Variants in TTC23L observed in about 807,000 individuals in gnomAD.
The protein encoded by TTC23L is tetratricopeptide repeat protein 23-like.
A neutral mutation model predicts 48.1 loss-of-function variants in TTC23L; 42 were observed. The observed-to-expected ratio is 0.87, with a 90% CI of 0.68 to 1.13. The LOEUF is 1.13. TTC23L is among the 50% of genes most tolerant of loss of function. The probability of loss-of-function intolerance (pLI) is 0.00; values close to 1 mark genes in which losing one functional copy is unlikely to be tolerated. For synonymous variants in TTC23L, 159 were observed against 157.2 expected, an observed-to-expected ratio of 1.01 and a Z score of -0.09; for missense variants, 391 against 421.0, an observed-to-expected ratio of 0.93 and a Z score of 0.62.
downstream of TTC23L, among the ~76,000 whole-genome samples, chr5:34,901,224 C>CA (rs200877282): frequency 4.2e-3 from 567 of 134,786 alleles, 6 homozygotes; most frequent in African/African-American, 9.5e-3. Flanking sequence ...CAAAAAACTC[C>CA]AAAAAAAAAA....
chr5:34,878,699 T>C (rs1348197048), intron 8 of TTC23L, among the ~76,000 whole-genome samples: 1 of 152,126 alleles, frequency 6.6e-6, no homozygotes, highest in Non-Finnish European at 1.5e-5. Context: ...AAAACAGATG[T>C]TGGTGAGGGT....
intron 8 of TTC23L, among the ~76,000 whole-genome samples, chr5:34,879,852 C>T (rs557471844): frequency 2.0e-5 from 3 of 152,066 alleles, no homozygotes; most frequent in South Asian, 2.1e-4. Context: ...AAAAATTAGC[C>T]GGGCATGGTG....
chr5:34,920,788 T>A, the TTC23L span: 4 of 152,142 alleles, frequency 2.6e-5, no homozygotes, highest in Admixed American at 6.5e-5. Flanking sequence ...ACAAACTTCC[T>A]ATTTTTGTGT....
chr5:34,904,520 G>A, the TTC23L span, among the ~76,000 whole-genome samples: 3 of 151,646 alleles, frequency 2.0e-5, no homozygotes, highest in African/African-American at 7.3e-5. Flanking sequence ...CTTGAACCTG[G>A]GAGGTGGAGG....
chr5:34,891,176 C>T (rs905857585), intron 9 of TTC23L, among the ~76,000 whole-genome samples: 2 of 152,078 alleles, frequency 1.3e-5, no homozygotes, highest in African/African-American at 4.8e-5. Context: ...GATAATATGT[C>T]AGAATGTTAA....
chr5:34,892,538 A>G (rs115067067), intron 9 of TTC23L, among the ~76,000 whole-genome samples: 3,132 of 152,290 alleles, frequency 0.021, 44 homozygotes, highest in Non-Finnish European at 0.029. Flanking sequence ...CTTACGTGAA[A>G]ACAGACATGT....
chr5:34,841,946 C>G (rs1372063070), intron 2 of TTC23L, among the ~76,000 whole-genome samples: 4 of 152,148 alleles, frequency 2.6e-5, no homozygotes, highest in Non-Finnish European at 5.9e-5. Context: ...GCATCCCTGG[C>G]CACCATCCAC....
chr5:34,923,749 A>G, the TTC23L span, among the ~76,000 whole-genome samples: 1 of 152,220 alleles, frequency 6.6e-6, no homozygotes, highest in African/African-American at 2.4e-5. Context: ...CAGGGTTTGC[A>G]TACACAAAAA....
At chr5:34,911,792 T>C in the TTC23L span, 1 of 1,614,134 alleles carries the variant, frequency 6.2e-7, no homozygotes. Flanking sequence ...TGGTAACACA[T>C]TCGAAGTGCA....
At chr5:34,889,170 C>T (rs1762707578) in intron 9 of TTC23L, among the ~76,000 whole-genome samples, 1 of 152,026 alleles carries the variant, frequency 6.6e-6, no homozygotes, top group Non-Finnish European at 1.5e-5. Flanking sequence ...GAATTTATAC[C>T]AAATTCATAA....
At chr5:34,884,233 C>A (rs761004897) in intron 9 of TTC23L, among the ~76,000 whole-genome samples, 38 of 152,108 alleles carry the variant, frequency 2.5e-4, no homozygotes, top group South Asian at 2.1e-4. Flanking sequence ...AAACTGCCAA[C>A]AAAGAAGGAA....
the TTC23L span, chr5:34,909,239 C>T: frequency 6.5e-7 from 1 of 1,534,484 alleles, no homozygotes; most frequent in Non-Finnish European, 9.0e-7. Flanking sequence ...CAATGACAAC[C>T]TCTATATTAA....
At chr5:34,912,872 G>A in the TTC23L span, among the ~76,000 whole-genome samples, 1 of 151,932 alleles carries the variant, frequency 6.6e-6, no homozygotes, top group Non-Finnish European at 1.5e-5. Flanking sequence ...GTGGTGGCAC[G>A]TGCCTGTAAT....
At chr5:34,903,970 A>G (rs1441377503), downstream of TTC23L, among the ~76,000 whole-genome samples, 1 of 151,904 alleles carries the variant, frequency 6.6e-6, no homozygotes, top group East Asian at 1.9e-4. Flanking sequence ...TGTTATTTTT[A>G]TTTTATTTTT....
chr5:34,925,168 T>G, the TTC23L span: 5 of 1,482,316 alleles, frequency 3.4e-6, no homozygotes, highest in African/African-American at 4.3e-5. Context: ...AGTCTTTGCC[T>G]TATATAAAAT....
the TTC23L span, chr5:34,913,574 C>T: frequency 1.9e-6 from 3 of 1,566,264 alleles, no homozygotes; most frequent in South Asian, 3.5e-5. Flanking sequence ...CTGAAATATT[C>T]CAGCCTATGA....
intron 9 of TTC23L, among the ~76,000 whole-genome samples, chr5:34,889,028 G>A (rs547456644): frequency 1.3e-5 from 2 of 152,102 alleles, no homozygotes; most frequent in Non-Finnish European, 2.9e-5. Context: ...GTCAAAGAGA[G>A]TTTTGTATAG....
At chr5:34,847,239 G>T (rs566016949) in intron 3 of TTC23L, among the ~76,000 whole-genome samples, 1 of 152,132 alleles carries the variant, frequency 6.6e-6, no homozygotes, top group African/African-American at 2.4e-5. Context: ...AGTCATCCTG[G>T]CCTGGACCCA....
chr5:34,902,865 C>G (rs897157160), downstream of TTC23L, among the ~76,000 whole-genome samples: 4 of 151,926 alleles, frequency 2.6e-5, no homozygotes, highest in African/African-American at 7.3e-5. Context: ...GGCTGCTGTT[C>G]TTCCCCAGAA....
Sources: allele counts gnomAD v4.1 joint callset (sites outside exome capture counted in the v4.1 genomes callset), GRCh38; gene constraint gnomAD v4.1.1; transcripts MANE v1.5; gene names NCBI Gene and HGNC (gene_info 2026-07-23, HGNC 2026-07-21).